Variants in TOMM70 observed in about 807,000 individuals in gnomAD.
TOMM70 encodes the protein mitochondrial import receptor subunit TOM70.
TOMM70 carries 13 observed loss-of-function variants against 73.6 expected under a neutral mutation model. The observed-to-expected ratio is 0.18, with a 90% CI of 0.11 to 0.28. The LOEUF is 0.28. TOMM70 is among the 10% of genes least tolerant of loss of function. The pLI is 1.00. For synonymous variants in TOMM70, 257 were observed against 271.2 expected, an observed-to-expected ratio of 0.95 and a Z score of 0.51; for missense variants, 609 against 747.5, an observed-to-expected ratio of 0.81 and a Z score of 2.16.
intron 4 of TOMM70, among the ~76,000 whole-genome samples, chr3:100,382,042 G>C (rs907699639): frequency 6.6e-6 from 1 of 152,072 alleles, no homozygotes; most frequent in African/African-American, 2.4e-5. Flanking sequence ...TTTACCTTGG[G>C]CTTTCATCTG....
chr3:100,388,899 G>C (rs528230972), intron 1 of TOMM70, among the ~76,000 whole-genome samples: 1 of 152,238 alleles, frequency 6.6e-6, no homozygotes, highest in African/African-American at 2.4e-5. Context: ...GTAGAGAATG[G>C]GGGAAACCTG....
intron 1 of TOMM70, among the ~76,000 whole-genome samples, chr3:100,395,124 C>T (rs1272841322): frequency 2.0e-5 from 3 of 152,084 alleles, no homozygotes; most frequent in Non-Finnish European, 4.4e-5. Flanking sequence ...AATCCTAGCA[C>T]TTTGGGAGGC....
chr3:100,377,479 G>A (rs1706578516), intron 6 of TOMM70: 2 of 488,186 alleles, frequency 4.1e-6, no homozygotes, highest in East Asian at 3.7e-5. Flanking sequence ...ACTACCGGAT[G>A]CTATAGGAAA....
In TOMM70 at chr3:100,377,662, G is replaced by A. The variant is rs559111882; in HGVS notation, c.1092+43C>T. ...CTGGCAAAACATAATGAAAGGCATC[G>A]CCTTCTATTTAATAATTTCTTCACA... is the stretch of plus-strand genomic sequence containing the variant. On this transcript the variant is annotated intron_variant, in intron 6 of 11. Transcript: ENST00000284320. 1.7e-5 allele frequency: 26 copies of A among 1,568,632 alleles called. No homozygotes were observed. Among genetic ancestry groups the A allele is most frequent in the South Asian group, 6.8e-5 (6 of 88,242 alleles).
In TOMM70 at chr3:100,373,594, A is replaced by G. The variant is rs1304791958; in HGVS notation, c.1279T>C (p.Cys427Arg). 1.2e-6 allele frequency: 2 copies of G among 1,613,392 alleles called. No homozygotes were observed. Among genetic ancestry groups the G allele is most frequent in the South Asian group, 1.1e-5 (1 of 90,972 alleles). The change falls in exon 8 of 12, where the codon TGT becomes CGT. Residue 427 changes from cysteine (C) to arginine (R), a missense_variant. Physicochemically the swap from Cys to Arg is radical, Grantham distance 180 (BLOSUM62 -3). Coordinates refer to ENST00000284320, the MANE Select transcript of TOMM70 (RefSeq NM_014820.5). The part of the protein sequence containing the change: ...VEEAVADFDE[C>R]IRLRPESALA... ...GCAGACTCAGGTCTTAACCTAATAC[A>G]TTCATCAAAATCTGCCACTGCTTCT...
intron 6 of TOMM70, 69 bp from the exon 7 acceptor site, chr3:100,375,221 A>G: frequency 6.8e-7 from 1 of 1,465,864 alleles, no homozygotes; most frequent in Non-Finnish European, 9.0e-7. Context: ...TCTTTAAATA[A>G]CAGCTTTTTT....
chr3:100,365,435 A>G lies in TOMM70; in HGVS notation c.*129T>C. The G allele has an allele frequency of 7.2e-7, 1 of 1,386,904 alleles. No individual in the cohort carries two copies. The highest frequency in any genetic ancestry group is 2.3e-5 in the East Asian group (1 of 43,092). 85.9% of individuals were successfully genotyped at this position (1,386,904 alleles called of 1,614,324 possible). A position where few individuals can be genotyped will look rare whatever the true frequency, so the allele number is the denominator to read the frequency against. On this transcript the variant is annotated 3_prime_UTR_variant, in exon 12 of 12. Transcript: ENST00000284320. The stretch of plus-strand genomic sequence containing the variant: ...AACACCTAGACATGAAACAGATGTA[A>G]CAAATAACAACACCACAAACAGAAA...
chr3:100,377,656 G>A (rs757848603), intron 6 of TOMM70, 49 bp downstream of exon 6: 12 of 1,557,876 alleles, frequency 7.7e-6, no homozygotes, highest in Non-Finnish European at 1.1e-5. Context: ...CATAATGAAA[G>A]GCATCGCCTT....
chr3:100,375,114 G>A lies in TOMM70; in HGVS notation c.1131C>T (p.Tyr377=). Residue 377 remains tyrosine, a synonymous_variant, in exon 7 of 12, where the codon TAC becomes TAT. Coordinates refer to ENST00000284320, the MANE Select transcript of TOMM70 (RefSeq NM_014820.5). ...ANALIKRGSM[Y]MQQQQPLLST... ...ACAGCAAAGGCTGCTGCTGTTGCAT[G>A]TACATGCTGCCTCTTTTGATGAGAG... 3 of 1,609,734 alleles carry A rather than the reference G, an allele frequency of 1.9e-6. No individual in the cohort carries two copies. The highest frequency in any genetic ancestry group is 2.5e-6 in the Non-Finnish European group (3 of 1,178,244).
intron 5 of TOMM70, 65 bp from the exon 6 acceptor site, chr3:100,377,977 T>A: frequency 4.9e-6 from 7 of 1,438,314 alleles, no homozygotes; most frequent in East Asian, 2.3e-5. Context: ...CTGGGTGTGG[T>A]GGCTCACGCC....
rs1360347935 is a variant in TOMM70, at chr3:100,368,223, C to T, written c.1551-57G>A. 3.8e-6 allele frequency: 6 copies of T among 1,564,172 alleles called. No individual in the cohort carries two copies. In the East Asian group the frequency reaches 1.4e-4, roughly 36 times the overall value. On this transcript the variant is annotated intron_variant, in intron 10 of 11. Transcript: ENST00000284320. Reference sequence around the variant, plus strand: ...ATGGCCCAGTATCAGTAGGAATACACACACATTAATATGACTCAATTTCTG... The same window carrying T: ...ATGGCCCAGTATCAGTAGGAATACATACACATTAATATGACTCAATTTCTG...
chr3:100,389,961 A>C (rs191057704), intron 1 of TOMM70, among the ~76,000 whole-genome samples: 58 of 152,184 alleles, frequency 3.8e-4, no homozygotes, highest in African/African-American at 1.3e-3. Context: ...AATCACCTGA[A>C]CTCAGGAGGC....
Position 100,369,138 on chromosome 3 carries a change from A to G in TOMM70, c.1453-3T>C, listed in dbSNP as rs931564299. 1.9e-6 allele frequency: 3 copies of G among 1,595,820 alleles called. No individual in the cohort carries two copies. The highest frequency in any genetic ancestry group is 3.4e-5 in the Admixed American group (2 of 59,548). ...AACTGTTGTTGATCTGTTAATGCCT[A>G]TGTGAGGAGATACTTCAGTTATATT... On this transcript the variant is annotated splice_polypyrimidine_tract_variant and splice_region_variant and intron_variant, in intron 9 of 11. Transcript: ENST00000284320.
At chr3:100,369,211 A>G in intron 9 of TOMM70, 76 bp from the exon 10 acceptor site, 1 of 1,014,784 alleles carries the variant, frequency 9.9e-7, no homozygotes, top group South Asian at 1.5e-5. Context: ...ATTATTCATT[A>G]TAAAAATTTA....
At chr3:100,394,666 G>A (rs1046152014) in intron 1 of TOMM70, among the ~76,000 whole-genome samples, 15 of 151,990 alleles carry the variant, frequency 9.9e-5, no homozygotes, top group African/African-American at 3.6e-4. Context: ...ATCATGCCCG[G>A]CTAATTTTTG....
At chr3:100,390,860 C>A (rs1419608524) in intron 1 of TOMM70, among the ~76,000 whole-genome samples, 1 of 151,928 alleles carries the variant, frequency 6.6e-6, no homozygotes. Context: ...AAAAAACAGG[C>A]TGAGTGCGGC....
rs1257006973 is a variant in TOMM70 at position 100,365,402 on chromosome 3, A to G, written c.*162T>C. 3.8e-6 allele frequency: 4 copies of G among 1,046,430 alleles called. No homozygotes were observed. The East Asian group carries it at 1.0e-4, about 26-fold the overall frequency. The allele number at this position is 1,046,430 out of a possible 1,614,324, so 64.8% of individuals were successfully genotyped here. On this transcript the variant is annotated 3_prime_UTR_variant, in exon 12 of 12. Transcript: ENST00000284320. The stretch of plus-strand genomic sequence containing the variant: ...AGACTGCAAACTTCCTTCAACAGCC[A>G]CACCCACAACACCTAGACATGAAAC...
chr3:100,376,524 C>T (rs569470323), intron 6 of TOMM70, among the ~76,000 whole-genome samples: 1 of 151,832 alleles, frequency 6.6e-6, no homozygotes, highest in East Asian at 1.9e-4. Flanking sequence ...CCATCATGCC[C>T]GGCTAATTTT....
chr3:100,382,319 T>C (rs907730296), intron 4 of TOMM70, among the ~76,000 whole-genome samples: 1 of 152,222 alleles, frequency 6.6e-6, no homozygotes, highest in African/African-American at 2.4e-5. Context: ...TCATTTTATG[T>C]ATAACAAATA....
Sources: gnomAD v4.1 joint callset for allele counts (sites outside exome capture counted in the v4.1 genomes callset) on GRCh38, gnomAD v4.1.1 for gene constraint, MANE v1.5 for transcripts, NCBI Gene and HGNC (gene_info 2026-07-23, HGNC 2026-07-21) for gene names.